The following CSGALNACT1 variants were observed in gnomAD, a reference collection of about 807,000 sequenced individuals.
CSGALNACT1 encodes chondroitin sulfate N-acetylgalactosaminyltransferase 1, also known as beta4GalNAcT-1.
In CSGALNACT1, 52 loss-of-function variants were observed where a neutral mutation model predicts 51.0. That is an observed-to-expected ratio of 1.02 (90% CI 0.82 to 1.29). The LOEUF is 1.29. CSGALNACT1 is among the 50% of genes most tolerant of loss of function. CSGALNACT1 has a pLI of 0.00. For synonymous variants in CSGALNACT1, 341 were observed against 254.4 expected (o/e 1.34, Z -3.24); for missense variants, 935 against 679.2 (o/e 1.38, Z -4.19).
At chr8:19,677,114 T>TC (rs1377208197) in intron 1 of CSGALNACT1, among the ~76,000 whole-genome samples, 2 of 151,490 alleles carry the variant, frequency 1.3e-5, no homozygotes, top group African/African-American at 2.4e-5. Context: ...AGAATGCTTT[T>TC]TTTTTTCCTC....
intron 1 of CSGALNACT1, among the ~76,000 whole-genome samples, chr8:19,754,568 C>G (rs2065239526): frequency 6.6e-6 from 1 of 152,114 alleles, no homozygotes; most frequent in Non-Finnish European, 1.5e-5. Flanking sequence ...ATATAAAATA[C>G]AAATCCAAAT....
chr8:19,514,811 G>A (rs113830989), intron 3 of CSGALNACT1, among the ~76,000 whole-genome samples: 1 of 150,916 alleles, frequency 6.6e-6, no homozygotes, highest in Non-Finnish European at 1.5e-5. Context: ...CCAGCCTGGG[G>A]GACAGAGTGA....
intron 3 of CSGALNACT1, among the ~76,000 whole-genome samples, chr8:19,577,140 G>A (rs1233028173): frequency 6.6e-6 from 1 of 152,166 alleles, no homozygotes; most frequent in Non-Finnish European, 1.5e-5. Flanking sequence ...ATCAAAGCCT[G>A]ACAAACCAGT....
At chr8:19,634,358 G>A (rs1056766343) in intron 1 of CSGALNACT1, among the ~76,000 whole-genome samples, 3 of 152,044 alleles carry the variant, frequency 2.0e-5, no homozygotes, top group Non-Finnish European at 4.4e-5. Context: ...TGGGATTAGC[G>A]CCCTTACAAG....
At chr8:19,560,701 A>G (rs1371003692) in intron 3 of CSGALNACT1, among the ~76,000 whole-genome samples, 1 of 152,228 alleles carries the variant, frequency 6.6e-6, no homozygotes, top group Non-Finnish European at 1.5e-5. Context: ...CTGCAACAAA[A>G]CAAAGTATGA....
chr8:19,724,399 C>T (rs1430408936), intron 1 of CSGALNACT1, among the ~76,000 whole-genome samples: 7 of 152,226 alleles, frequency 4.6e-5, no homozygotes, highest in Non-Finnish European at 2.9e-5. Context: ...GCTCCTGAAT[C>T]CATCTCCAAA....
At chr8:19,457,282 T>C (rs1256111390) in intron 5 of CSGALNACT1, among the ~76,000 whole-genome samples, 2 of 152,224 alleles carry the variant, frequency 1.3e-5, no homozygotes, top group African/African-American at 4.8e-5. Context: ...ACCCTTATAC[T>C]GAACATTATG....
chr8:19,728,763 C>T (rs529271269), intron 1 of CSGALNACT1, among the ~76,000 whole-genome samples: 7 of 152,124 alleles, frequency 4.6e-5, no homozygotes, highest in African/African-American at 1.7e-4. Flanking sequence ...GAATTTCTAC[C>T]AAAAATTCTC....
At chr8:19,590,541 T>C (rs1054775838) in intron 3 of CSGALNACT1, among the ~76,000 whole-genome samples, 3 of 151,914 alleles carry the variant, frequency 2.0e-5, no homozygotes, top group African/African-American at 7.3e-5. Flanking sequence ...TGGTTGAGAA[T>C]GAGATCAAAC....
In CSGALNACT1 at chr8:19,453,440, T is replaced by TA. The variant is rs538848225; in HGVS notation, c.851+4985dup. 9.3e-4 allele frequency among the ~76,000 whole-genome samples: 142 copies of TA among 152,100 alleles called. 1 individual carries two copies. The highest frequency in any genetic ancestry group is 3.3e-3 in the African/African-American group (135 of 41,504). ...AAAGCAGATAAAAGACTAAGGGTGT[T>TA]AAAAAAACAGAGATGCTAATAAATG... On this transcript the variant is annotated intron_variant, in intron 5 of 9. Coordinates refer to ENST00000454498, the Ensembl canonical transcript of CSGALNACT1.
intron 3 of CSGALNACT1, among the ~76,000 whole-genome samples, chr8:19,514,529 A>G (rs1288220725): frequency 7.3e-6 from 1 of 136,994 alleles, no homozygotes; most frequent in Non-Finnish European, 1.6e-5. Flanking sequence ...CTATTTAAAA[A>G]TTATATACAG....
chr8:19,450,239 G>T (rs2153797844), intron 5 of CSGALNACT1, among the ~76,000 whole-genome samples: 1 of 93,604 alleles, frequency 1.1e-5, no homozygotes, highest in African/African-American at 4.2e-5. Context: ...GAGGGGGCAG[G>T]GAGGAAGAGG....
chr8:19,578,727 A>AT (rs1448922566), intron 3 of CSGALNACT1, among the ~76,000 whole-genome samples: 11 of 152,058 alleles, frequency 7.2e-5, no homozygotes, highest in Non-Finnish European at 1.5e-5. Context: ...CTCTCTCCCG[A>AT]TTCCTCAGTC....
chr8:19,424,030 T>C (rs187053323), intron 6 of CSGALNACT1, among the ~76,000 whole-genome samples: 4 of 152,300 alleles, frequency 2.6e-5, no homozygotes, highest in Admixed American at 2.0e-4. Context: ...TGCCCTGATC[T>C]AGCTTTGCCT....
chr8:19,531,417 C>A (rs942805264), intron 3 of CSGALNACT1, among the ~76,000 whole-genome samples: 9 of 152,176 alleles, frequency 5.9e-5, no homozygotes, highest in African/African-American at 2.2e-4. Flanking sequence ...GGCAGAACAC[C>A]CAGCTCAGTC....
At chr8:19,462,383 G>C (rs1164530223) in intron 4 of CSGALNACT1, among the ~76,000 whole-genome samples, 1 of 152,168 alleles carries the variant, frequency 6.6e-6, no homozygotes, top group Non-Finnish European at 1.5e-5. Flanking sequence ...TCAGAGGCAG[G>C]TTAAGAATCA....
At chr8:19,535,196 T>C in intron 3 of CSGALNACT1, among the ~76,000 whole-genome samples, 1 of 151,798 alleles carries the variant, frequency 6.6e-6, no homozygotes, top group East Asian at 1.9e-4. Context: ...TGACAACATT[T>C]GAAAAAAAAA....
chr8:19,438,320 A>G (rs11985575), intron 6 of CSGALNACT1, among the ~76,000 whole-genome samples: 20,497 of 152,222 alleles, frequency 0.13, 1,671 homozygotes, highest in Middle Eastern at 0.23. Flanking sequence ...AAGAACCCCT[A>G]TCTAGGAATT....
At chr8:19,749,458 T>C (rs1417296106) in intron 1 of CSGALNACT1, among the ~76,000 whole-genome samples, 1 of 152,176 alleles carries the variant, frequency 6.6e-6, no homozygotes, top group Non-Finnish European at 1.5e-5. Flanking sequence ...GCATAATAAA[T>C]AACGAGTTAA....
Sources: gnomAD v4.1 joint callset for allele counts (sites outside exome capture counted in the v4.1 genomes callset) on GRCh38, gnomAD v4.1.1 for gene constraint, MANE v1.5 for transcripts, NCBI Gene and HGNC (gene_info 2026-07-23, HGNC 2026-07-21) for gene names.